FKTN: variants seen among roughly 807,000 people sequenced by gnomAD.
FKTN encodes the protein fukutin.
FKTN carries 47 observed loss-of-function variants against 58.6 expected under a neutral mutation model. That is an observed-to-expected ratio of 0.80 (90% confidence interval 0.63 to 1.02). The LOEUF is 1.02. FKTN is among the 50% of genes least tolerant of loss of function. The pLI is 0.00. For synonymous variants in FKTN, 178 were observed against 191.9 expected, an observed-to-expected ratio of 0.93 and a Z score of 0.60; for missense variants, 516 against 537.3, an observed-to-expected ratio of 0.96 and a Z score of 0.39.
intron 1 of FKTN, among the ~76,000 whole-genome samples, chr9:105,566,748 T>C (rs938939295): frequency 3.3e-5 from 5 of 152,110 alleles, no homozygotes; most frequent in South Asian, 2.1e-4. Flanking sequence ...CCTTCTGAAA[T>C]TATTCCAATC....
At chr9:105,567,845 G>C (rs1412772774) in intron 1 of FKTN, among the ~76,000 whole-genome samples, 2 of 152,286 alleles carry the variant, frequency 1.3e-5, no homozygotes, top group Middle Eastern at 3.4e-3. Flanking sequence ...TCAATCCTAA[G>C]CTAAAAGAAC....
At chr9:105,602,815 C>T (rs1166225278) in intron 5 of FKTN, among the ~76,000 whole-genome samples, 6 of 152,118 alleles carry the variant, frequency 3.9e-5, no homozygotes, top group Non-Finnish European at 8.8e-5. Flanking sequence ...CTGCCTCAGC[C>T]TCCCAAAAGT....
intron 5 of FKTN, among the ~76,000 whole-genome samples, chr9:105,603,397 C>T (rs1828252046): frequency 6.6e-6 from 1 of 152,140 alleles, no homozygotes; most frequent in Admixed American, 6.5e-5. Context: ...TGAACCTTGT[C>T]TTACAGTATG....
intron 1 of FKTN, among the ~76,000 whole-genome samples, chr9:105,569,373 A>G (rs1473610396): frequency 6.6e-6 from 1 of 152,124 alleles, no homozygotes; most frequent in Non-Finnish European, 1.5e-5. Flanking sequence ...TGAACTCCAA[A>G]TCCTGTACCT....
At chr9:105,583,125 A>C (rs1843319968) in intron 3 of FKTN, among the ~76,000 whole-genome samples, 1 of 152,242 alleles carries the variant, frequency 6.6e-6, no homozygotes, top group Non-Finnish European at 1.5e-5. Flanking sequence ...GAGATTGCAA[A>C]AGAGAAGGGG....
At chr9:105,581,441 G>C (rs895646062) in intron 3 of FKTN, among the ~76,000 whole-genome samples, 1 of 149,468 alleles carries the variant, frequency 6.7e-6, no homozygotes, top group African/African-American at 2.5e-5. Context: ...AGGTGTCAGT[G>C]TGCCCCTGCT....
At chr9:105,594,208 G>A (rs1826320509) in intron 3 of FKTN, among the ~76,000 whole-genome samples, 1 of 152,154 alleles carries the variant, frequency 6.6e-6, no homozygotes. Flanking sequence ...ATGACAGAAG[G>A]GAAGGTGTAT....
At chr9:105,604,109 C>A in intron 5 of FKTN, 106 bp from the exon 6 acceptor site, 1 of 1,198,062 alleles carries the variant, frequency 8.3e-7, no homozygotes, top group Non-Finnish European at 1.2e-6. Flanking sequence ...AAAAATATGG[C>A]TCAAGTTCAA....
intron 10 of FKTN, among the ~76,000 whole-genome samples, chr9:105,628,657 G>A (rs1833031618): frequency 6.6e-6 from 1 of 152,162 alleles, no homozygotes; most frequent in African/African-American, 2.4e-5. Flanking sequence ...AGAAATGGAA[G>A]CAACCCAAAT....
At chr9:105,585,088 G>C (rs995462082) in intron 3 of FKTN, among the ~76,000 whole-genome samples, 25 of 151,826 alleles carry the variant, frequency 1.6e-4, no homozygotes, top group African/African-American at 6.1e-4. Flanking sequence ...TGTCTGTAAG[G>C]AATACAAGCA....
intron 3 of FKTN, among the ~76,000 whole-genome samples, chr9:105,591,191 C>G (rs1024529492): frequency 2.0e-5 from 3 of 152,166 alleles, no homozygotes; most frequent in Non-Finnish European, 4.4e-5. Context: ...CCTGGCCCCT[C>G]ACACCTCATG....
chr9:105,564,078 A>G lies in FKTN; in HGVS notation c.-181+5913A>G, dbSNP rs552236921. Among the ~76,000 whole-genome samples the G allele has an allele frequency of 1.4e-3, 213 of 152,374 alleles. 1 individual carries two copies. The highest frequency in any genetic ancestry group is 4.6e-3 in the African/African-American group (192 of 41,600). On this transcript the variant is annotated intron_variant, in intron 1 of 10. Coordinates refer to ENST00000357998, the MANE Select transcript of FKTN (RefSeq NM_001079802.2). ...CTCCAGCAAACTCCAACAGACCTGCATCTGAGGGTCCTGACTGTTAGAAGG... is the reference window on the plus strand; with the variant it reads ...CTCCAGCAAACTCCAACAGACCTGCGTCTGAGGGTCCTGACTGTTAGAAGG...
Position 105,637,269 on chromosome 9 carries a change from A to G in FKTN, c.*2005A>G, listed in dbSNP as rs1834108290. The G allele has an allele frequency of 1.0e-6, 1 of 985,276 alleles. No homozygotes were observed. The highest frequency in any genetic ancestry group is 1.2e-6 in the Non-Finnish European group (1 of 829,854). 61.0% of individuals were successfully genotyped at this position (985,276 alleles called of 1,614,324 possible). ...CATTCTTTGCCAGGAGATCTTACCC[A>G]TCCCTTTTCAGATTAATCTTTTATC... On this transcript the variant is annotated 3_prime_UTR_variant, in exon 11 of 11. Transcript: ENST00000357998.
In FKTN at chr9:105,566,063, A is replaced by G. The variant is rs146660734; in HGVS notation, c.-180-7592A>G. 0.011 allele frequency among the ~76,000 whole-genome samples: 1,605 copies of G among 152,322 alleles called. 78 individuals carry two copies. In the East Asian group the frequency reaches 0.12, roughly 11 times the overall value. On this transcript the variant is annotated intron_variant, in intron 1 of 10. Transcript: ENST00000357998. ...CCTGAATGACTACTGGGTACATAAC[A>G]AAATGAAGGCAGAAATAAAGATGTG...
intron 3 of FKTN, among the ~76,000 whole-genome samples, chr9:105,575,527 G>C (rs1386980749): frequency 1.3e-5 from 2 of 152,036 alleles, no homozygotes; most frequent in East Asian, 3.9e-4. Flanking sequence ...ACCTTTATCT[G>C]TATGTATAGG....
chr9:105,560,007 G>A (rs966524731), intron 1 of FKTN, among the ~76,000 whole-genome samples: 2 of 152,192 alleles, frequency 1.3e-5, no homozygotes, highest in African/African-American at 4.8e-5. Context: ...TTGTTATTAA[G>A]CTAATTTAAC....
chr9:105,621,467 C>T (rs1386571534), intron 10 of FKTN, among the ~76,000 whole-genome samples: 1 of 152,062 alleles, frequency 6.6e-6, no homozygotes, highest in Admixed American at 6.6e-5. Context: ...ATAGATTATA[C>T]ATTACATAGT....
intron 10 of FKTN, among the ~76,000 whole-genome samples, chr9:105,622,029 A>T (rs1475669370): frequency 6.6e-6 from 1 of 152,094 alleles, no homozygotes; most frequent in Non-Finnish European, 1.5e-5. Context: ...CCCAATTTAT[A>T]TTCTCAACCA....
intron 10 of FKTN, among the ~76,000 whole-genome samples, chr9:105,625,091 G>A (rs1832587904): frequency 6.6e-6 from 1 of 152,168 alleles, no homozygotes; most frequent in African/African-American, 2.4e-5. Flanking sequence ...GTCTGATTAG[G>A]AAGATTCATT....
Sources: allele counts gnomAD v4.1 joint callset (sites outside exome capture counted in the v4.1 genomes callset), GRCh38; gene constraint gnomAD v4.1.1; transcripts MANE v1.5; gene names NCBI Gene and HGNC (gene_info 2026-07-23, HGNC 2026-07-21).